NAALADL2: variants seen among roughly 807,000 people sequenced by gnomAD.
NAALADL2 encodes the protein inactive N-acetylated-alpha-linked acidic dipeptidase-like protein 2.
Under a neutral mutation model 87.2 loss-of-function variants are expected in NAALADL2, and 76 were observed. That is an observed-to-expected ratio of 0.87 (90% CI 0.72 to 1.05). NAALADL2 has a LOEUF of 1.05. Among genes scored for constraint, NAALADL2 ranks in the 50% least tolerant of loss-of-function variants. NAALADL2 has a pLI of 0.00. For synonymous variants in NAALADL2, 354 were observed against 331.0 expected, an observed-to-expected ratio of 1.07 and a Z score of -0.75; for missense variants, 1,089 against 945.8, an observed-to-expected ratio of 1.15 and a Z score of -1.99.
At chr3:174,957,593 G>A (rs1046385820) in intron 1 of NAALADL2, among the ~76,000 whole-genome samples, 13 of 151,728 alleles carry the variant, frequency 8.6e-5, no homozygotes, top group Admixed American at 6.6e-5. Context: ...TTAAACTGTG[G>A]TAGGAGAATT....
intron 11 of NAALADL2, among the ~76,000 whole-genome samples, chr3:175,706,508 G>A (rs1033076574): frequency 6.6e-6 from 1 of 152,098 alleles, no homozygotes; most frequent in East Asian, 1.9e-4. Flanking sequence ...ATATTGTACT[G>A]TTCTCACCTA....
intron 10 of NAALADL2, among the ~76,000 whole-genome samples, chr3:175,624,679 T>G (rs1245951904): frequency 6.6e-6 from 1 of 152,018 alleles, no homozygotes; most frequent in African/African-American, 2.4e-5. Context: ...TAAGTACACA[T>G]TCAGTGATTA....
intron 3 of NAALADL2, among the ~76,000 whole-genome samples, chr3:174,841,806 G>C (rs991674813): frequency 6.6e-6 from 1 of 152,120 alleles, no homozygotes; most frequent in Non-Finnish European, 1.5e-5. Flanking sequence ...GATTTTTAAA[G>C]TGTCATTAAA....
intron 3 of NAALADL2, among the ~76,000 whole-genome samples, chr3:175,249,585 A>G (rs961258766): frequency 6.6e-6 from 1 of 152,174 alleles, no homozygotes; most frequent in Non-Finnish European, 1.5e-5. Flanking sequence ...CTCAATGAAT[A>G]TAGAGTACTC....
chr3:174,835,432 G>C (rs967022183), intron 3 of NAALADL2, among the ~76,000 whole-genome samples: 1 of 152,062 alleles, frequency 6.6e-6, no homozygotes, highest in African/African-American at 2.4e-5. Context: ...AATGCCTTCT[G>C]ACATTGGATT....
intron 10 of NAALADL2, among the ~76,000 whole-genome samples, chr3:175,626,687 G>T (rs893808860): frequency 6.6e-6 from 1 of 151,778 alleles, no homozygotes; most frequent in Non-Finnish European, 1.5e-5. Flanking sequence ...TGGAATAACA[G>T]TTACATGCTT....
At chr3:174,636,368 A>C (rs1021845601) in intron 2 of NAALADL2, among the ~76,000 whole-genome samples, 1 of 152,204 alleles carries the variant, frequency 6.6e-6, no homozygotes, top group South Asian at 2.1e-4. Context: ...CAGATTCTGC[A>C]CAGTGAAAGA....
At chr3:175,667,124 AG>A (rs1733114194) in intron 11 of NAALADL2, among the ~76,000 whole-genome samples, 1 of 148,914 alleles carries the variant, frequency 6.7e-6, no homozygotes, top group African/African-American at 2.5e-5. Context: ...AGAGAGAGAG[AG>A]AAAAAGAAAG....
intron 11 of NAALADL2, among the ~76,000 whole-genome samples, chr3:175,648,446 T>C (rs1356420211): frequency 2.6e-5 from 4 of 151,702 alleles, no homozygotes; most frequent in African/African-American, 9.7e-5. Context: ...ATAGTACCCC[T>C]GTTGGCAATG....
At chr3:175,050,200 A>T (rs1755193183) in intron 1 of NAALADL2, among the ~76,000 whole-genome samples, 1 of 152,202 alleles carries the variant, frequency 6.6e-6, no homozygotes, top group South Asian at 2.1e-4. Context: ...GCAACCCGTG[A>T]TACTGAGCTG....
chr3:174,640,100 T>A (rs2108726900), intron 2 of NAALADL2, among the ~76,000 whole-genome samples: 1 of 152,220 alleles, frequency 6.6e-6, no homozygotes. Flanking sequence ...GAGGGAAGCT[T>A]GGTATATAAT....
chr3:174,874,815 T>TGA (rs1010893953), intron 1 of NAALADL2, among the ~76,000 whole-genome samples: 3 of 151,918 alleles, frequency 2.0e-5, no homozygotes, highest in African/African-American at 7.2e-5. Flanking sequence ...GCCAGGACAG[T>TGA]GAGAGTCTGC....
intron 2 of NAALADL2, among the ~76,000 whole-genome samples, chr3:174,580,505 G>C (rs1472521489): frequency 6.6e-6 from 1 of 152,018 alleles, no homozygotes; most frequent in Non-Finnish European, 1.5e-5. Context: ...TCACTAAAAT[G>C]AAGATGTTGA....
At chr3:174,495,701 T>C (rs1357335749) in intron 1 of NAALADL2, among the ~76,000 whole-genome samples, 3 of 31,142 alleles carry the variant, frequency 9.6e-5, no homozygotes, top group Admixed American at 9.4e-4. Flanking sequence ...GCTGTATGTC[T>C]TTTTCTGTTG....
chr3:174,781,162 G>A (rs550821749), intron 3 of NAALADL2, among the ~76,000 whole-genome samples: 2 of 152,062 alleles, frequency 1.3e-5, no homozygotes, highest in Non-Finnish European at 2.9e-5. Context: ...TTAGTCTTAC[G>A]GCTTCCCTTT....
intron 2 of NAALADL2, among the ~76,000 whole-genome samples, chr3:174,649,614 G>A (rs534262707): frequency 6.6e-6 from 1 of 152,054 alleles, no homozygotes; most frequent in South Asian, 2.1e-4. Flanking sequence ...GTCATAGAGA[G>A]TAATACAATG....
chr3:175,325,899 A>C (rs1261376401), intron 5 of NAALADL2, among the ~76,000 whole-genome samples: 2 of 152,120 alleles, frequency 1.3e-5, no homozygotes, highest in Non-Finnish European at 2.9e-5. Flanking sequence ...CATCCATACT[A>C]ATGTTCTTAT....
chr3:174,478,417 T>A (rs924052965), intron 1 of NAALADL2, among the ~76,000 whole-genome samples: 77 of 152,126 alleles, frequency 5.1e-4, no homozygotes, highest in African/African-American at 1.7e-3. Context: ...TTTATATGCA[T>A]GATGTATATA....
At chr3:174,700,782 A>G (rs144862259) in intron 2 of NAALADL2, among the ~76,000 whole-genome samples, 42 of 152,312 alleles carry the variant, frequency 2.8e-4, no homozygotes, top group Non-Finnish European at 4.7e-4. Flanking sequence ...GATTTATATG[A>G]TATAGAGTGA....
Sources: gnomAD v4.1 joint callset for allele counts (sites outside exome capture counted in the v4.1 genomes callset) on GRCh38, gnomAD v4.1.1 for gene constraint, MANE v1.5 for transcripts, NCBI Gene and HGNC (gene_info 2026-07-23, HGNC 2026-07-21) for gene names.